Variants in DNAH11 observed in about 807,000 individuals in gnomAD.
DNAH11 encodes the protein dynein axonemal heavy chain 11.
A neutral mutation model predicts 526.0 loss-of-function variants in DNAH11; 442 were observed. The ratio of observed to expected loss-of-function variants is 0.84; its 90% confidence interval spans 0.78 to 0.91. The LOEUF (loss-of-function observed/expected upper bound fraction) is 0.91. Among genes scored for constraint, DNAH11 ranks in the 40% least tolerant of loss-of-function variants. The probability of loss-of-function intolerance (pLI) is 0.00; values close to 1 mark genes in which losing one functional copy is unlikely to be tolerated. For missense variants in DNAH11, 6,989 were observed against 5,448.7 expected (o/e 1.28, Z -8.90); for synonymous variants, 2,461 against 1,935.9 (o/e 1.27, Z -7.12).
In DNAH11 at chr7:21,617,801, T is replaced by C. The variant is rs374610784; in HGVS notation, c.4254+24T>C. ...GGGTCAGTATCCTTGGTCTCACTAA[T>C]GAACCTTTTTATGACTGTGAAGTGT... is the stretch of plus-strand genomic sequence containing the variant. On this transcript the variant is annotated intron_variant, in intron 23 of 81. Transcript: ENST00000409508. 1.5e-5 allele frequency: 23 copies of C among 1,552,654 alleles called. No homozygotes were observed. The African/African-American group carries it at 2.3e-4, about 16-fold the overall frequency.
chr7:21,675,566 A>G (rs1782841394), intron 30 of DNAH11, among the ~76,000 whole-genome samples: 4 of 152,212 alleles, frequency 2.6e-5, no homozygotes, highest in Admixed American at 2.6e-4. Context: ...CTTGTCCTGT[A>G]AGGTCTGGAA....
chr7:21,656,067 A>C (rs185771476), intron 29 of DNAH11, 86 bp downstream of exon 29: 26 of 1,415,464 alleles, frequency 1.8e-5, no homozygotes, highest in Non-Finnish European at 2.3e-5. Flanking sequence ...CAAAAAATTC[A>C]ACCCAGGTCA....
chr7:21,787,019 G>A (rs1788222461), intron 59 of DNAH11, among the ~76,000 whole-genome samples: 1 of 152,202 alleles, frequency 6.6e-6, no homozygotes, highest in African/African-American at 2.4e-5. Flanking sequence ...GCAAAATTAT[G>A]AAAGCAGTTA....
chr7:21,555,799 G>C (rs1363172600), intron 2 of DNAH11, among the ~76,000 whole-genome samples: 1 of 152,182 alleles, frequency 6.6e-6, no homozygotes, highest in African/African-American at 2.4e-5. Context: ...CCTGGATAGA[G>C]TGGGCCACTT....
chr7:21,759,642 T>C (rs1198194579), intron 54 of DNAH11, among the ~76,000 whole-genome samples: 2 of 152,120 alleles, frequency 1.3e-5, no homozygotes, highest in African/African-American at 4.8e-5. Context: ...GAAGTAAATA[T>C]GTAGGAGGGT....
chr7:21,554,991 C>T (rs1783160405), intron 2 of DNAH11, among the ~76,000 whole-genome samples: 2 of 152,194 alleles, frequency 1.3e-5, no homozygotes, highest in Admixed American at 1.3e-4. Flanking sequence ...ATTTTCCTGT[C>T]CCCTATTTTG....
intron 9 of DNAH11, among the ~76,000 whole-genome samples, chr7:21,584,305 A>G (rs934216591): frequency 6.6e-6 from 1 of 152,198 alleles, no homozygotes; most frequent in Non-Finnish European, 1.5e-5. Context: ...GGAAACCAAC[A>G]TTCTCAGCAA....
intron 51 of DNAH11, among the ~76,000 whole-genome samples, chr7:21,747,897 C>A (rs530482375): frequency 9.2e-5 from 14 of 152,314 alleles, no homozygotes; most frequent in Non-Finnish European, 2.1e-4. Flanking sequence ...TTGATGTCCT[C>A]ATACTTGGGT....
chr7:21,667,822 G>A (rs902851834), intron 30 of DNAH11, among the ~76,000 whole-genome samples: 7 of 151,996 alleles, frequency 4.6e-5, no homozygotes, highest in African/African-American at 1.7e-4. Context: ...TAAAATAAAT[G>A]GATGTTTCTC....
intron 28 of DNAH11, among the ~76,000 whole-genome samples, chr7:21,649,866 T>C: frequency 6.6e-6 from 1 of 152,086 alleles, no homozygotes; most frequent in Middle Eastern, 3.4e-3. Context: ...GGGTTTTGCC[T>C]TGTTGGCCAG....
intron 62 of DNAH11, among the ~76,000 whole-genome samples, chr7:21,807,682 A>T (rs1033828371): frequency 3.3e-5 from 5 of 152,176 alleles, no homozygotes; most frequent in African/African-American, 1.2e-4. Context: ...AACTCCACTG[A>T]GGAGAGTATG....
intron 65 of DNAH11, among the ~76,000 whole-genome samples, chr7:21,828,580 C>T (rs143147934): frequency 6.6e-5 from 10 of 152,112 alleles, no homozygotes; most frequent in Non-Finnish European, 1.0e-4. Context: ...GATAAAGAAT[C>T]CTCAGATTCT....
intron 57 of DNAH11, among the ~76,000 whole-genome samples, chr7:21,780,873 T>C (rs1435654364): frequency 5.3e-5 from 8 of 152,168 alleles, no homozygotes. Flanking sequence ...GGGTCTCTCA[T>C]GTAGATTACA....
At chr7:21,634,441 G>C (rs1786762823) in intron 25 of DNAH11, among the ~76,000 whole-genome samples, 1 of 152,232 alleles carries the variant, frequency 6.6e-6, no homozygotes, top group African/African-American at 2.4e-5. Flanking sequence ...GTCAAGGCAT[G>C]AGGTTTTTCC....
intron 77 of DNAH11, among the ~76,000 whole-genome samples, chr7:21,893,361 CA>C (rs1269476242): frequency 2.0e-5 from 3 of 152,222 alleles, no homozygotes; most frequent in Non-Finnish European, 4.4e-5. Flanking sequence ...AATGATATCT[CA>C]CAGTGGTTTT....
At chr7:21,583,839 A>G (rs1216127453) in intron 9 of DNAH11, among the ~76,000 whole-genome samples, 1 of 152,220 alleles carries the variant, frequency 6.6e-6, no homozygotes, top group Admixed American at 6.5e-5. Flanking sequence ...GCTCATCATC[A>G]CTGGTCATTA....
chr7:21,681,673 A>G lies in DNAH11; in HGVS notation c.5456A>G (p.Gln1819Arg), dbSNP rs777410947. The G allele has an allele frequency of 1.2e-6, 2 of 1,613,884 alleles. No homozygotes were observed. The highest frequency in any genetic ancestry group is 2.2e-5 in the South Asian group (2 of 91,082). The change falls in exon 31 of 82, where the codon CAG becomes CGG. Residue 1819 changes from glutamine to arginine, a missense_variant. Physicochemically the swap from Gln to Arg is conservative, Grantham distance 43. Coordinates refer to ENST00000409508, the MANE Select transcript of DNAH11 (RefSeq NM_001277115.2). ...GACGTGGTGGCAAAACTTATTTCTC[A>G]GAAGGCAAGTTGTTTGTAGAAATTT... ...ARDVVAKLISQKVVSPQAFTW... is the reference protein window; with the variant it reads ...ARDVVAKLISRKVVSPQAFTW...
At chr7:21,897,536 C>G (rs1376149678) in intron 79 of DNAH11, among the ~76,000 whole-genome samples, 1 of 152,192 alleles carries the variant, frequency 6.6e-6, no homozygotes, top group African/African-American at 2.4e-5. Flanking sequence ...ATTGATTACT[C>G]TCTACCAAAT....
chr7:21,558,726 A>G (rs1783320037), intron 2 of DNAH11, 76 bp from the exon 3 acceptor site: 6 of 1,201,476 alleles, frequency 5.0e-6, no homozygotes, highest in Non-Finnish European at 6.9e-6. Flanking sequence ...TTTTGTTGCC[A>G]ATTTTGTACG....
Sources: allele counts gnomAD v4.1 joint callset (sites outside exome capture counted in the v4.1 genomes callset), GRCh38; gene constraint gnomAD v4.1.1; transcripts MANE v1.5; gene names NCBI Gene and HGNC (gene_info 2026-07-23, HGNC 2026-07-21).